Variants in NCAPD2 observed in about 807,000 individuals in gnomAD.
NCAPD2 encodes condensin complex subunit 1.
A neutral mutation model predicts 164.5 loss-of-function variants in NCAPD2; 100 were observed. The ratio of observed to expected loss-of-function variants is 0.61; its 90% CI spans 0.52 to 0.72. The LOEUF (loss-of-function observed/expected upper bound fraction) is 0.72, where lower values mean the gene tolerates loss of function less well. Among genes scored for constraint, NCAPD2 ranks in the 30% least tolerant of loss-of-function variants. NCAPD2 has a pLI of 0.00. For missense variants in NCAPD2, 1,560 were observed against 1,749.2 expected, an observed-to-expected ratio of 0.89 and a Z score of 1.93; for synonymous variants, 585 against 642.6, an observed-to-expected ratio of 0.91 and a Z score of 1.36.
At position 6,529,908 on chromosome 12, in the gene NCAPD2, T is replaced by A; in HGVS notation, c.3787T>A (p.Phe1263Ile). ...KLSDESIFSA[F>I]LSVVGKLRRG... is the part of the protein sequence containing the mutation. ...GTCAGATGAGTCCATCTTCAGTGCTTTTTTGTCAGTTGTAGGCAAGCTGCG... is the reference window on the plus strand; with the variant it reads ...GTCAGATGAGTCCATCTTCAGTGCTATTTTGTCAGTTGTAGGCAAGCTGCG... The change falls in exon 29 of 32, where the codon TTT becomes ATT. Residue 1263 changes from phenylalanine (F) to isoleucine (I), a missense_variant. Physicochemically the swap from Phe to Ile is conservative, Grantham distance 21 (BLOSUM62 0). Coordinates refer to ENST00000315579, the MANE Select transcript of NCAPD2 (RefSeq NM_014865.4). The A allele has an allele frequency of 6.2e-7, 1 of 1,614,254 alleles. No individual in the cohort carries two copies. The highest frequency in any genetic ancestry group is 8.5e-7 in the Non-Finnish European group (1 of 1,180,036).
intron 13 of NCAPD2, among the ~76,000 whole-genome samples, chr12:6,520,080 C>T (rs891070902): frequency 5.9e-5 from 9 of 151,386 alleles, no homozygotes; most frequent in African/African-American, 2.2e-4. Context: ...ATTTGGGGAG[C>T]TGAGGCATGA....
intron 17 of NCAPD2, 96 bp from the exon 18 acceptor site, chr12:6,525,487 G>C (rs1946307572): frequency 7.1e-7 from 1 of 1,406,950 alleles, no homozygotes. Context: ...TATTACTTTT[G>C]TCTACTTCAG....
At chr12:6,499,368 C>T (rs755401044) in intron 2 of NCAPD2, among the ~76,000 whole-genome samples, 15 of 151,978 alleles carry the variant, frequency 9.9e-5, no homozygotes, top group Non-Finnish European at 1.2e-4. Context: ...AGTGCCACCA[C>T]GCCTGGCTAA....
intron 2 of NCAPD2, among the ~76,000 whole-genome samples, chr12:6,504,196 T>TACACATATATATACAC (rs1385610511): frequency 1.1e-5 from 1 of 92,868 alleles, no homozygotes; most frequent in African/African-American, 4.1e-5. Flanking sequence ...TATATATATA[T>TACACATATATATACAC]ATATATATAT....
intron 2 of NCAPD2, among the ~76,000 whole-genome samples, chr12:6,502,276 T>C (rs921168842): frequency 6.6e-5 from 10 of 152,076 alleles, no homozygotes; most frequent in African/African-American, 1.9e-4. Flanking sequence ...ATATAGAGCT[T>C]GGGGCAGTTG....
intron 13 of NCAPD2, among the ~76,000 whole-genome samples, chr12:6,518,371 A>G (rs1946223723): frequency 6.6e-6 from 1 of 152,086 alleles, no homozygotes; most frequent in Non-Finnish European, 1.5e-5. Flanking sequence ...TTCATGAACT[A>G]ATAATATCAA....
Sources: allele counts gnomAD v4.1 joint callset (sites outside exome capture counted in the v4.1 genomes callset), GRCh38; gene constraint gnomAD v4.1.1; transcripts MANE v1.5; gene names NCBI Gene and HGNC (gene_info 2026-07-23, HGNC 2026-07-21).